Variants in ENTREP2 observed in about 807,000 individuals in gnomAD.
The protein encoded by ENTREP2 is protein ENTREP2.
chr15:29,400,092 C>G, the ENTREP2 span, among the ~76,000 whole-genome samples: 794 of 152,226 alleles, frequency 5.2e-3, 5 homozygotes, highest in Non-Finnish European at 7.4e-3. Flanking sequence ...TATACTTTAT[C>G]CTGACAACCC....
the ENTREP2 span, among the ~76,000 whole-genome samples, chr15:29,554,861 T>C: frequency 6.0e-4 from 92 of 152,190 alleles, no homozygotes; most frequent in Non-Finnish European, 4.1e-4. Flanking sequence ...AGAAACCTCT[T>C]GGCTAGGAAA....
chr15:29,326,148 C>T, the ENTREP2 span, among the ~76,000 whole-genome samples: 1 of 152,108 alleles, frequency 6.6e-6, no homozygotes, highest in Admixed American at 6.5e-5. Flanking sequence ...ATACTGCACA[C>T]TTTCCCCCAA....
chr15:29,476,301 C>T, the ENTREP2 span, among the ~76,000 whole-genome samples: 1 of 152,116 alleles, frequency 6.6e-6, no homozygotes, highest in Non-Finnish European at 1.5e-5. Context: ...TAAAGTTGAC[C>T]ACCTGCCACT....
At chr15:29,177,626 A>T in the ENTREP2 span, among the ~76,000 whole-genome samples, 1 of 152,192 alleles carries the variant, frequency 6.6e-6, no homozygotes, top group Non-Finnish European at 1.5e-5. Flanking sequence ...AGAGGGACAC[A>T]GGGGTGCCCT....
chr15:29,210,561 C>T, the ENTREP2 span, among the ~76,000 whole-genome samples: 391 of 152,284 alleles, frequency 2.6e-3, 2 homozygotes, highest in African/African-American at 8.9e-3. Context: ...CTAGGTTGCA[C>T]GCTCCTTATA....
At chr15:29,384,284 G>C in the ENTREP2 span, among the ~76,000 whole-genome samples, 7 of 152,016 alleles carry the variant, frequency 4.6e-5, no homozygotes, top group Admixed American at 3.3e-4. Context: ...TGACCATAAT[G>C]CCATCATGTT....
chr15:29,184,281 A>G, the ENTREP2 span, among the ~76,000 whole-genome samples: 1 of 152,202 alleles, frequency 6.6e-6, no homozygotes, highest in Non-Finnish European at 1.5e-5. Context: ...CACTGCACCC[A>G]GCCACTGACA....
At chr15:29,424,050 G>C in the ENTREP2 span, among the ~76,000 whole-genome samples, 1 of 152,182 alleles carries the variant, frequency 6.6e-6, no homozygotes, top group Admixed American at 6.5e-5. Flanking sequence ...GGTGTGTCTA[G>C]AGTTTGTTCT....
the ENTREP2 span, among the ~76,000 whole-genome samples, chr15:29,154,268 G>A: frequency 1.8e-3 from 279 of 151,770 alleles, 1 homozygote; most frequent in Middle Eastern, 6.8e-3. Context: ...TATTATTATT[G>A]TTCTTTTTTT....
chr15:29,246,392 CAAAAA>C, the ENTREP2 span, among the ~76,000 whole-genome samples: 4 of 90,678 alleles, frequency 4.4e-5, no homozygotes, highest in Non-Finnish European at 4.4e-5. Context: ...ACCCTGTTTC[CAAAAA>C]AAAAAAAAAA....
At chr15:29,165,715 C>T in the ENTREP2 span, among the ~76,000 whole-genome samples, 6 of 151,952 alleles carry the variant, frequency 3.9e-5, no homozygotes, top group South Asian at 4.1e-4. Context: ...AAAATGTCCA[C>T]GACCAGACAG....
chr15:29,628,837 C>A, the ENTREP2 span, among the ~76,000 whole-genome samples: 1 of 152,172 alleles, frequency 6.6e-6, no homozygotes, highest in Non-Finnish European at 1.5e-5. Flanking sequence ...GCAACCTCTA[C>A]CTCCTGGGTT....
At chr15:29,304,172 C>T in the ENTREP2 span, among the ~76,000 whole-genome samples, 2 of 152,050 alleles carry the variant, frequency 1.3e-5, no homozygotes, top group Admixed American at 6.6e-5. Flanking sequence ...TGTGAGCCAC[C>T]GCACCCGGCT....
At chr15:29,180,979 T>C in the ENTREP2 span, among the ~76,000 whole-genome samples, 6 of 150,914 alleles carry the variant, frequency 4.0e-5, no homozygotes, top group Non-Finnish European at 7.4e-5. Flanking sequence ...ACTAATGAAA[T>C]AAGAAACAAA....
chr15:29,167,577 C>T, the ENTREP2 span, among the ~76,000 whole-genome samples: 1 of 151,568 alleles, frequency 6.6e-6, no homozygotes, highest in Non-Finnish European at 1.5e-5. Flanking sequence ...TGCTCAACAT[C>T]ACTAATGATC....
At chr15:29,395,675 A>G in the ENTREP2 span, among the ~76,000 whole-genome samples, 2 of 151,076 alleles carry the variant, frequency 1.3e-5, no homozygotes, top group Non-Finnish European at 2.9e-5. Flanking sequence ...CTACAGGTGC[A>G]TGCCACCACA....
chr15:29,259,206 T>G, the ENTREP2 span, among the ~76,000 whole-genome samples: 1 of 152,152 alleles, frequency 6.6e-6, no homozygotes, highest in African/African-American at 2.4e-5. Flanking sequence ...TTTGGAAAAG[T>G]CACTAAAGAA....
chr15:29,207,010 G>A, the ENTREP2 span, among the ~76,000 whole-genome samples: 4 of 152,288 alleles, frequency 2.6e-5, no homozygotes, highest in South Asian at 2.1e-4. Context: ...ATGCTCCGTA[G>A]GTTGGATGAC....
chr15:29,595,853 G>A, the ENTREP2 span, among the ~76,000 whole-genome samples: 5 of 152,022 alleles, frequency 3.3e-5, no homozygotes, highest in South Asian at 2.1e-4. Flanking sequence ...GACTTTGGGG[G>A]CTCTTTCAGT....
Sources: allele counts gnomAD v4.1 joint callset (sites outside exome capture counted in the v4.1 genomes callset), GRCh38; gene constraint gnomAD v4.1.1; transcripts MANE v1.5; gene names NCBI Gene and HGNC (gene_info 2026-07-23, HGNC 2026-07-21).